Variants in EPHA5 observed in about 807,000 individuals in gnomAD.
EPHA5 encodes the protein ephrin type-A receptor 5.
EPHA5 carries 60 observed loss-of-function variants against 105.0 expected under a neutral mutation model. The observed-to-expected ratio is 0.57, with a 90% CI of 0.46 to 0.71. The LOEUF (loss-of-function observed/expected upper bound fraction) is 0.71, where lower values mean the gene tolerates loss of function less well. Among genes scored for constraint, EPHA5 ranks in the 30% least tolerant of loss-of-function variants. The pLI, the probability that EPHA5 is intolerant of heterozygous loss-of-function variation, is 0.00. For missense variants in EPHA5, 1,218 were observed against 1,274.7 expected, an observed-to-expected ratio of 0.96 and a Z score of 0.68; for synonymous variants, 513 against 449.1, an observed-to-expected ratio of 1.14 and a Z score of -1.80.
chr4:65,480,418 T>C (rs1281877051), intron 5 of EPHA5, among the ~76,000 whole-genome samples: 2 of 152,180 alleles, frequency 1.3e-5, no homozygotes, highest in African/African-American at 2.4e-5. Context: ...TAAAGGTATA[T>C]GGCTTCAGAT....
At chr4:65,446,395 A>G (rs1457230830) in intron 5 of EPHA5, among the ~76,000 whole-genome samples, 1 of 152,206 alleles carries the variant, frequency 6.6e-6, no homozygotes, top group Non-Finnish European at 1.5e-5. Context: ...AAAAGCATTG[A>G]TAGATACTGT....
intron 2 of EPHA5, among the ~76,000 whole-genome samples, chr4:65,622,256 T>A (rs1255995237): frequency 2.6e-5 from 4 of 152,110 alleles, no homozygotes; most frequent in African/African-American, 4.8e-5. Context: ...TTTGATTAAA[T>A]CTTCCAACTA....
chr4:65,619,886 C>T (rs13120492), intron 2 of EPHA5, among the ~76,000 whole-genome samples: 46,374 of 151,038 alleles, frequency 0.31, 7,245 homozygotes, highest in Non-Finnish European at 0.33. Flanking sequence ...CTAAAACACT[C>T]ATTCATAACA....
chr4:65,454,761 A>G (rs1200892451), intron 5 of EPHA5, among the ~76,000 whole-genome samples: 2 of 152,202 alleles, frequency 1.3e-5, no homozygotes, highest in Non-Finnish European at 2.9e-5. Context: ...ACAGACTGCA[A>G]GTACTATTTA....
chr4:65,517,920 A>T (rs577443621), intron 3 of EPHA5, among the ~76,000 whole-genome samples: 2 of 152,110 alleles, frequency 1.3e-5, no homozygotes, highest in Admixed American at 1.3e-4. Context: ...TATTACATCT[A>T]CTAAATTTAC....
rs1028595121 is a variant in EPHA5, at chr4:65,440,438, T to A, written c.1403-19873A>T. ...TTTAGTAATAATCATACAGAAATAGTGAGATTAAGGAAAATATGTAAATCT... is the reference window on the plus strand; with the variant it reads ...TTTAGTAATAATCATACAGAAATAGAGAGATTAAGGAAAATATGTAAATCT... On this transcript the variant is annotated intron_variant, in intron 5 of 16. Coordinates refer to ENST00000613740, the MANE Select transcript of EPHA5 (RefSeq NM_001281766.3). Among the ~76,000 whole-genome samples the A allele has an allele frequency of 2.0e-5, 3 of 149,490 alleles. No homozygotes were observed. The East Asian group carries it at 5.9e-4, about 30-fold the overall frequency.
intron 16 of EPHA5, among the ~76,000 whole-genome samples, chr4:65,326,538 G>A (rs1164735401): frequency 6.6e-6 from 1 of 151,240 alleles, no homozygotes; most frequent in African/African-American, 2.4e-5. Context: ...TAATATTCTC[G>A]TGTTTCCACA....
chr4:65,655,312 A>G (rs1274499899), intron 1 of EPHA5, among the ~76,000 whole-genome samples: 1 of 152,034 alleles, frequency 6.6e-6, no homozygotes, highest in African/African-American at 2.4e-5. Context: ...TTTTTAAACT[A>G]TAAATCCATT....
intron 8 of EPHA5, among the ~76,000 whole-genome samples, chr4:65,373,705 CT>C (rs1222283283): frequency 2.0e-5 from 3 of 151,748 alleles, no homozygotes; most frequent in Non-Finnish European, 4.4e-5. Context: ...TTAAAAAAGT[CT>C]TTAAAAATGA....
At chr4:65,579,955 G>A (rs532936630) in intron 3 of EPHA5, among the ~76,000 whole-genome samples, 11 of 151,928 alleles carry the variant, frequency 7.2e-5, no homozygotes, top group East Asian at 1.9e-4. Context: ...TCTATCATGC[G>A]AAATTTAATA....
At chr4:65,664,206 T>C (rs1749774862) in intron 1 of EPHA5, among the ~76,000 whole-genome samples, 1 of 151,900 alleles carries the variant, frequency 6.6e-6, no homozygotes, top group Non-Finnish European at 1.5e-5. Flanking sequence ...AGATCATTCA[T>C]ATTTTGAAAT....
chr4:65,594,765 G>A (rs1252846140), intron 3 of EPHA5, among the ~76,000 whole-genome samples: 4 of 151,990 alleles, frequency 2.6e-5, no homozygotes. Context: ...AAAAAAATGG[G>A]TTTTATACTT....
chr4:65,612,572 T>G (rs1285884987), intron 2 of EPHA5, among the ~76,000 whole-genome samples: 1 of 152,242 alleles, frequency 6.6e-6, no homozygotes, highest in Non-Finnish European at 1.5e-5. Flanking sequence ...CAATCATCCT[T>G]TGATGAACAC....
intron 3 of EPHA5, among the ~76,000 whole-genome samples, chr4:65,576,255 T>C (rs1240327141): frequency 6.6e-6 from 1 of 152,112 alleles, no homozygotes; most frequent in Non-Finnish European, 1.5e-5. Flanking sequence ...TCCAAACCTT[T>C]GGTTTCTAGA....
At chr4:65,660,916 C>T (rs1440392686) in intron 1 of EPHA5, among the ~76,000 whole-genome samples, 1 of 152,082 alleles carries the variant, frequency 6.6e-6, no homozygotes, top group Non-Finnish European at 1.5e-5. Flanking sequence ...ATAACATAAT[C>T]TTTTATTCTT....
intron 5 of EPHA5, among the ~76,000 whole-genome samples, chr4:65,444,888 T>C (rs1473741827): frequency 6.6e-6 from 1 of 152,060 alleles, no homozygotes; most frequent in African/African-American, 2.4e-5. Context: ...TATTCCTGGG[T>C]ACCTAAAAAA....
chr4:65,665,986 C>A (rs1270513855), intron 1 of EPHA5, among the ~76,000 whole-genome samples: 2 of 152,128 alleles, frequency 1.3e-5, no homozygotes, highest in Non-Finnish European at 2.9e-5. Flanking sequence ...TGAATTACAA[C>A]AGGATGACAA....
At chr4:65,440,869 G>A (rs2149085266) in intron 5 of EPHA5, among the ~76,000 whole-genome samples, 1 of 152,154 alleles carries the variant, frequency 6.6e-6, no homozygotes, top group South Asian at 2.1e-4. Flanking sequence ...TGGGGAAGAA[G>A]AGCAAAGAAA....
At chr4:65,462,766 CAAAT>C (rs1728249995) in intron 5 of EPHA5, among the ~76,000 whole-genome samples, 1 of 152,138 alleles carries the variant, frequency 6.6e-6, no homozygotes, top group South Asian at 2.1e-4. Context: ...CTCCATTAAA[CAAAT>C]AAAGTGACAA....
Sources: gnomAD v4.1 joint callset for allele counts (sites outside exome capture counted in the v4.1 genomes callset) on GRCh38, gnomAD v4.1.1 for gene constraint, MANE v1.5 for transcripts, NCBI Gene and HGNC (gene_info 2026-07-23, HGNC 2026-07-21) for gene names.